Variants in TDRD12 observed in about 807,000 individuals in gnomAD.
The protein encoded by TDRD12 is tudor domain containing 12, also known as putative ATP-dependent RNA helicase TDRD12.
A neutral mutation model predicts 133.5 loss-of-function variants in TDRD12; 158 were observed. The ratio of observed to expected loss-of-function variants is 1.18; its 90% CI spans 1.04 to 1.35. The LOEUF is 1.35. Ranked by LOEUF, TDRD12 falls within the 40% of genes most tolerant of loss-of-function variation. The pLI, the probability that TDRD12 is intolerant of heterozygous loss-of-function variation, is 0.00. For synonymous variants in TDRD12, 460 were observed against 477.9 expected, an observed-to-expected ratio of 0.96 and a Z score of 0.49; for missense variants, 1,443 against 1,321.3, an observed-to-expected ratio of 1.09 and a Z score of -1.43.
intron 8 of TDRD12, among the ~76,000 whole-genome samples, chr19:32,758,105 C>T (rs906625412): frequency 1.3e-5 from 2 of 152,278 alleles, no homozygotes; most frequent in East Asian, 1.9e-4. Flanking sequence ...AGATTGTATC[C>T]GCATTTGGCA....
chr19:32,822,439 A>G (rs1420976836), downstream of TDRD12, among the ~76,000 whole-genome samples: 2 of 152,038 alleles, frequency 1.3e-5, no homozygotes, highest in African/African-American at 4.8e-5. Context: ...CTCAAAATAA[A>G]TAAATAAACA....
chr19:32,802,701 C>CGT lies in TDRD12; in HGVS notation c.2249_2250dup (p.Ile751Ter). 6.5e-7 allele frequency: 1 copy of CGT among 1,536,182 alleles called. No homozygotes were observed. The highest frequency in any genetic ancestry group is 8.7e-7 in the Non-Finnish European group (1 of 1,146,872). ...CCACTCTTGGCCATCACCGATGCCA[C>CGT]GTGTGTGATTCACTTCAGTTTCCCT... On this transcript the variant is annotated frameshift_variant, in exon 20 of 28. Coordinates refer to ENST00000444215, the Ensembl canonical transcript of TDRD12. LOFTEE classifies it high-confidence loss of function.
chr19:32,826,077 T>G, downstream of TDRD12: 1 of 1,533,970 alleles, frequency 6.5e-7, no homozygotes, highest in Non-Finnish European at 8.7e-7. Flanking sequence ...TGTAGGAAAA[T>G]ATGACCTTGA....
chr19:32,777,826 TA>T (rs1970628686), intron 11 of TDRD12, among the ~76,000 whole-genome samples: 92 of 5,952 alleles, frequency 0.015, 2 homozygotes, highest in Non-Finnish European at 0.025. Context: ...TATATATATA[TA>T]TATATATATA....
At chr19:32,741,694 C>G (rs1969432072) in intron 3 of TDRD12, among the ~76,000 whole-genome samples, 2 of 152,142 alleles carry the variant, frequency 1.3e-5, no homozygotes, top group South Asian at 4.1e-4. Flanking sequence ...CCAGGCTGCC[C>G]AGACAAGGCA....
intron 15 of TDRD12, 88 bp from the exon 16 acceptor site, chr19:32,798,220 T>C: frequency 7.5e-7 from 1 of 1,338,276 alleles, no homozygotes; most frequent in Middle Eastern, 1.9e-4. Context: ...TAGAAGGCAT[T>C]TCTAGAAAGT....
chr19:32,797,746 C>A, exon 15 of TDRD12: 2 of 691,042 alleles, frequency 2.9e-6, no homozygotes, highest in South Asian at 3.1e-5. Flanking sequence ...CTCTCGCAGT[C>A]ATCGTGTGCC....
At chr19:32,722,317 C>T (rs976809641) in intron 1 of TDRD12, among the ~76,000 whole-genome samples, 18 of 152,206 alleles carry the variant, frequency 1.2e-4, no homozygotes, top group Admixed American at 1.0e-3. Context: ...CTTGCTGCCT[C>T]CTGTTCGCGA....
downstream of TDRD12, among the ~76,000 whole-genome samples, chr19:32,825,914 G>C (rs547196700): frequency 2.6e-5 from 4 of 152,216 alleles, no homozygotes; most frequent in East Asian, 7.7e-4. This position sits in a 1 kb window ranked among gnomAD's most constrained non-coding sequence, Gnocchi z 4.1. Flanking sequence ...GTTTACCTAT[G>C]TGATGGTTTT....
rs1161404641 is a variant in TDRD12 at position 32,790,952 on chromosome 19, A to G, written c.1183-12A>G. Reference sequence around the variant, plus strand: ...GGCAGACACTGGTTGTCTAATGCACACGTTCTCTCAGTTGCAGAAGCTGAA... The same window carrying G: ...GGCAGACACTGGTTGTCTAATGCACGCGTTCTCTCAGTTGCAGAAGCTGAA... On this transcript the variant is annotated splice_polypyrimidine_tract_variant and intron_variant, in intron 12 of 27. Coordinates refer to ENST00000444215, the Ensembl canonical transcript of TDRD12. 3 of 1,534,376 alleles carry G rather than the reference A, an allele frequency of 2.0e-6. No homozygotes were observed. In the African/African-American group the frequency reaches 4.1e-5, roughly 21 times the overall value.
chr19:32,778,414 G>A (rs1002433321), intron 11 of TDRD12, among the ~76,000 whole-genome samples: 1 of 152,076 alleles, frequency 6.6e-6, no homozygotes, highest in African/African-American at 2.4e-5. Context: ...TGGAACAGAA[G>A]GCCATACAGC....
intron 8 of TDRD12, among the ~76,000 whole-genome samples, chr19:32,764,046 A>G (rs1012671776): frequency 6.6e-6 from 1 of 151,296 alleles, no homozygotes; most frequent in Non-Finnish European, 1.5e-5. Flanking sequence ...TTAAAGTGTA[A>G]GATTGACAAA....
At chr19:32,792,514 TAAAAG>T (rs1411021640) in intron 13 of TDRD12, among the ~76,000 whole-genome samples, 1 of 151,900 alleles carries the variant, frequency 6.6e-6, no homozygotes, top group Non-Finnish European at 1.5e-5. Flanking sequence ...GTTTGAGACA[TAAAAG>T]AGAAGCTAAC....
intron 1 of TDRD12, among the ~76,000 whole-genome samples, chr19:32,726,840 G>T (rs1968878998): frequency 6.6e-6 from 1 of 152,092 alleles, no homozygotes; most frequent in African/African-American, 2.4e-5. Flanking sequence ...CCATTTATCT[G>T]TTGAGGGACA....
At chr19:32,732,235 C>T (rs1969080181) in intron 2 of TDRD12, among the ~76,000 whole-genome samples, 1 of 152,170 alleles carries the variant, frequency 6.6e-6, no homozygotes, top group African/African-American at 2.4e-5. Flanking sequence ...GAACTCCAGA[C>T]CTCAGGTGAT....
intron 8 of TDRD12, among the ~76,000 whole-genome samples, chr19:32,758,975 C>G (rs1422112710): frequency 6.6e-6 from 1 of 151,936 alleles, no homozygotes; most frequent in African/African-American, 2.4e-5. Context: ...GGCACGGTGG[C>G]TCATGCCTGT....
chr19:32,794,343 G>A (rs1971160663), intron 13 of TDRD12, among the ~76,000 whole-genome samples: 1 of 151,920 alleles, frequency 6.6e-6, no homozygotes, highest in African/African-American at 2.4e-5. Context: ...GACCTCAGGT[G>A]ATCCACCCAC....
chr19:32,793,304 T>C (rs1180903931), intron 13 of TDRD12, among the ~76,000 whole-genome samples: 2 of 151,600 alleles, frequency 1.3e-5, no homozygotes, highest in Non-Finnish European at 2.9e-5. Flanking sequence ...ACATACAGAG[T>C]CTTAAAAAAA....
intron 11 of TDRD12, among the ~76,000 whole-genome samples, chr19:32,781,688 T>C (rs1970771029): frequency 9.8e-6 from 1 of 101,756 alleles, no homozygotes; most frequent in Non-Finnish European, 2.2e-5. Context: ...CCTTTCCTTT[T>C]CTCTCTCTCT....
Sources: allele counts gnomAD v4.1 joint callset (sites outside exome capture counted in the v4.1 genomes callset), GRCh38; gene constraint gnomAD v4.1.1; non-coding constraint Gnocchi (gnomAD v3.1); transcripts MANE v1.5; gene names NCBI Gene and HGNC (gene_info 2026-07-23, HGNC 2026-07-21).